Variants in DGKE observed in about 807,000 individuals in gnomAD.
The protein encoded by DGKE is DAG kinase epsilon.
A neutral mutation model predicts 70.0 loss-of-function variants in DGKE; 53 were observed. The observed-to-expected ratio is 0.76, with a 90% CI of 0.61 to 0.95. The LOEUF is 0.95. Among genes scored for constraint, DGKE ranks in the 40% least tolerant of loss-of-function variants. DGKE has a pLI of 0.00. For synonymous variants in DGKE, 291 were observed against 257.0 expected, an observed-to-expected ratio of 1.13 and a Z score of -1.27; for missense variants, 655 against 706.9, an observed-to-expected ratio of 0.93 and a Z score of 0.83.
chr17:56,856,628 G>C lies in DGKE; in HGVS notation c.1212+3G>C. On this transcript the variant is annotated splice_donor_region_variant and intron_variant, in intron 8 of 11. Coordinates refer to ENST00000284061, the MANE Select transcript of DGKE (RefSeq NM_003647.3). ...TTTCTAGCAGAATTCTTAATAAGGT[G>C]TGTTGGATAAAATAACATTTCCTGC... The C allele has an allele frequency of 6.2e-7, 1 of 1,610,310 alleles. No individual in the cohort carries two copies. The highest frequency in any genetic ancestry group is 8.5e-7 in the Non-Finnish European group (1 of 1,178,580).
chr17:56,847,837 T>C, intron 4 of DGKE, 85 bp from the exon 5 acceptor site: 1 of 987,492 alleles, frequency 1.0e-6, no homozygotes, highest in Middle Eastern at 3.7e-4. Flanking sequence ...TTTAACTGTA[T>C]CTCTACTCAT....
At chr17:56,842,177 A>G (rs2144215981) in intron 2 of DGKE, among the ~76,000 whole-genome samples, 1 of 152,320 alleles carries the variant, frequency 6.6e-6, no homozygotes, top group Admixed American at 6.5e-5. Flanking sequence ...GAGAATAAAT[A>G]AGTCAAAAAG....
At chr17:56,858,162 TG>T (rs1313503490) in intron 8 of DGKE, among the ~76,000 whole-genome samples, 1 of 151,944 alleles carries the variant, frequency 6.6e-6, no homozygotes, top group African/African-American at 2.4e-5. Context: ...TGGAATGGCC[TG>T]TATTGTCATC....
In DGKE at chr17:56,858,545, T is replaced by C. The variant is rs1445016053; in HGVS notation, c.1213-49T>C. ...ATACAGCGTATTTTTTCTTATTGTT[T>C]ACAGGGTTAGATTGTTTTAATATTA... On this transcript the variant is annotated intron_variant, in intron 8 of 11. Transcript: ENST00000284061. 2.7e-6 allele frequency: 4 copies of C among 1,465,650 alleles called. No individual in the cohort carries two copies. The East Asian group carries it at 9.2e-5, about 34-fold the overall frequency. The allele number at this position is 1,465,650 out of a possible 1,614,324, so 90.8% of individuals were successfully genotyped here. A position where few individuals can be genotyped will look rare whatever the true frequency, so the allele number is the denominator to read the frequency against.
intron 7 of DGKE, among the ~76,000 whole-genome samples, chr17:56,850,148 C>T (rs1037377321): frequency 6.7e-6 from 1 of 149,932 alleles, no homozygotes; most frequent in African/African-American, 2.5e-5. Context: ...GTTGTGGAGA[C>T]AAGGTCTCAG....
At chr17:56,861,721 G>T (rs1259775924) in intron 9 of DGKE, 70 bp from the exon 10 acceptor site, 4 of 1,585,778 alleles carry the variant, frequency 2.5e-6, no homozygotes, top group Non-Finnish European at 3.4e-6. Context: ...GAAAATAGAT[G>T]TGAATTCTAA....
chr17:56,845,163 A>G (rs1907207401), intron 3 of DGKE, among the ~76,000 whole-genome samples: 1 of 152,188 alleles, frequency 6.6e-6, no homozygotes, highest in Non-Finnish European at 1.5e-5. Flanking sequence ...CATTTTGAAA[A>G]GTATTAATTT....
intron 1 of DGKE, 42 bp from the exon 2 acceptor site, chr17:56,834,736 A>G (rs1906456849): frequency 1.4e-5 from 21 of 1,511,320 alleles, no homozygotes; most frequent in East Asian, 2.3e-5. Flanking sequence ...CGGGGAAGGG[A>G]TGGCGAGCTC....
rs113604757 is a variant in DGKE at position 56,867,650 on chromosome 17, C to G, written c.*4859C>G. The G allele has an allele frequency of 0.11, 16,685 of 151,832 alleles. 1,233 individuals carry two copies. The highest frequency in any genetic ancestry group is 0.16 in the Non-Finnish European group (10,786 of 68,250). 9.4% of individuals were successfully genotyped at this position (151,832 alleles called of 1,614,324 possible). ...GTGGCTCACGCCTGTAATCCCAGCA[C>G]TTTGGGAGGCTGAGGCAGGTGGATC... On this transcript the variant is annotated 3_prime_UTR_variant, in exon 12 of 12. Coordinates refer to ENST00000284061, the MANE Select transcript of DGKE (RefSeq NM_003647.3).
At chr17:56,840,670 G>A (rs998944395) in intron 2 of DGKE, among the ~76,000 whole-genome samples, 3 of 152,140 alleles carry the variant, frequency 2.0e-5, no homozygotes, top group East Asian at 1.9e-4. Flanking sequence ...GCCCCACTGC[G>A]TCCAGCCAAT....
At chr17:56,853,982 T>TAA (rs762786931) in intron 7 of DGKE, among the ~76,000 whole-genome samples, 11 of 136,388 alleles carry the variant, frequency 8.1e-5, no homozygotes, top group African/African-American at 1.3e-4. Flanking sequence ...ATTCAGACTT[T>TAA]AAAAAAAAAA....
intron 7 of DGKE, among the ~76,000 whole-genome samples, chr17:56,854,334 T>C (rs1907821810): frequency 6.6e-6 from 1 of 152,108 alleles, no homozygotes; most frequent in African/African-American, 2.4e-5. Context: ...TTTTTGTGTT[T>C]TTTTGAGACG....
chr17:56,848,889 GA>G, intron 6 of DGKE, 36 bp downstream of exon 6: 1 of 1,613,278 alleles, frequency 6.2e-7, no homozygotes, highest in South Asian at 1.1e-5. Flanking sequence ...GATTTCTTGA[GA>G]TTTAGCCATA....
chr17:56,850,337 T>C (rs895141216), intron 7 of DGKE, among the ~76,000 whole-genome samples: 1 of 151,988 alleles, frequency 6.6e-6, no homozygotes, highest in Non-Finnish European at 1.5e-5. Context: ...CTCCCTATAT[T>C]GTCCAGGCTG....
chr17:56,849,156 GT>G (rs374948506), intron 6 of DGKE, 24 bp from the exon 7 acceptor site: 14 of 1,595,236 alleles, frequency 8.8e-6, no homozygotes, highest in Admixed American at 3.5e-5. Flanking sequence ...AAAACGTGCT[GT>G]TTTTTTTAAC....
intron 4 of DGKE, among the ~76,000 whole-genome samples, chr17:56,847,010 T>C (rs1339386602): frequency 2.0e-5 from 3 of 152,224 alleles, no homozygotes; most frequent in Non-Finnish European, 4.4e-5. Context: ...ATTTATCCAG[T>C]CTCTACTGTT....
intron 9 of DGKE, among the ~76,000 whole-genome samples, chr17:56,859,242 G>A (rs536364252): frequency 4.6e-5 from 7 of 151,460 alleles, no homozygotes; most frequent in East Asian, 3.9e-4. Flanking sequence ...GGAGAATGGC[G>A]TGGACCCGGG....
chr17:56,857,955 C>T (rs181803017), intron 8 of DGKE, among the ~76,000 whole-genome samples: 1 of 151,844 alleles, frequency 6.6e-6, no homozygotes, highest in East Asian at 1.9e-4. Context: ...CGCCTGTAGT[C>T]CCAGCTACTT....
chr17:56,848,149 G>A (rs1156553587), intron 5 of DGKE, 84 bp downstream of exon 5: 2 of 894,070 alleles, frequency 2.2e-6, no homozygotes, highest in African/African-American at 3.6e-5. Context: ...TTTTGTTGTT[G>A]TTTTGTTGTT....
Sources: allele counts gnomAD v4.1 joint callset (sites outside exome capture counted in the v4.1 genomes callset), GRCh38; gene constraint gnomAD v4.1.1; transcripts MANE v1.5; gene names NCBI Gene and HGNC (gene_info 2026-07-23, HGNC 2026-07-21).